CNTN4: variants seen among roughly 807,000 people sequenced by gnomAD.
The protein encoded by CNTN4 is contactin-4.
In CNTN4, 77 loss-of-function variants were observed where a neutral mutation model predicts 122.5. The observed-to-expected ratio is 0.63, with a 90% confidence interval of 0.52 to 0.76. CNTN4 has a LOEUF of 0.76. Ranked by LOEUF, CNTN4 falls within the 30% of genes least tolerant of loss-of-function variation. The pLI, the probability that CNTN4 is intolerant of heterozygous loss-of-function variation, is 0.00. For synonymous variants in CNTN4, 512 were observed against 447.0 expected, an observed-to-expected ratio of 1.15 and a Z score of -1.83; for missense variants, 1,256 against 1,259.1, an observed-to-expected ratio of 1.00 and a Z score of 0.04.
At chr3:2,121,356 G>A (rs2727907) in intron 2 of CNTN4, among the ~76,000 whole-genome samples, 25,148 of 151,980 alleles carry the variant, frequency 0.17, 2,335 homozygotes, top group South Asian at 0.35. Flanking sequence ...AAATTAGCCC[G>A]ATGTGGTGGC....
intron 6 of CNTN4, 73 bp from the exon 7 acceptor site, chr3:2,819,413 A>G: frequency 1.7e-6 from 2 of 1,171,674 alleles, no homozygotes; most frequent in Non-Finnish European, 2.6e-6. Flanking sequence ...TTCTCTTTTG[A>G]AATAGTGGTA....
chr3:2,535,686 C>G (rs17015879), intron 3 of CNTN4, among the ~76,000 whole-genome samples: 199 of 152,142 alleles, frequency 1.3e-3, no homozygotes, highest in African/African-American at 4.6e-3. Flanking sequence ...TATGTTAAAC[C>G]TTAAAAAGCA....
intron 2 of CNTN4, among the ~76,000 whole-genome samples, chr3:2,269,535 G>C (rs1026447975): frequency 6.6e-6 from 1 of 151,970 alleles, no homozygotes; most frequent in Non-Finnish European, 1.5e-5. Flanking sequence ...GAATCATTTC[G>C]GTGGCTGTAA....
intron 10 of CNTN4, among the ~76,000 whole-genome samples, chr3:2,892,856 T>G (rs930388815): frequency 6.6e-6 from 1 of 152,168 alleles, no homozygotes; most frequent in East Asian, 1.9e-4. Flanking sequence ...TTTTTATAAT[T>G]AAGGAAAATA....
intron 2 of CNTN4, among the ~76,000 whole-genome samples, chr3:2,280,303 T>C (rs1273644996): frequency 2.6e-5 from 4 of 152,142 alleles, no homozygotes; most frequent in Admixed American, 2.6e-4. Flanking sequence ...GTGCTCTTGA[T>C]TGATTAAAAG....
intron 4 of CNTN4, among the ~76,000 whole-genome samples, chr3:2,705,866 T>A (rs2086687757): frequency 1.2e-5 from 1 of 80,538 alleles, no homozygotes; most frequent in Non-Finnish European, 2.0e-5. Flanking sequence ...TGTGTTTATA[T>A]ATAATATATA....
chr3:2,402,029 G>A (rs2046877120), intron 3 of CNTN4, among the ~76,000 whole-genome samples: 1 of 152,100 alleles, frequency 6.6e-6, no homozygotes, highest in African/African-American at 2.4e-5. Context: ...ATCTGACAAA[G>A]ATGAGGTCTA....
At chr3:3,054,219 T>C (rs1023413209) in intron 24 of CNTN4, among the ~76,000 whole-genome samples, 1 of 152,226 alleles carries the variant, frequency 6.6e-6, no homozygotes, top group African/African-American at 2.4e-5. Flanking sequence ...CCCGAATTAG[T>C]CACTAAGGTT....
chr3:2,805,012 TAA>T (rs2092432305), intron 6 of CNTN4, among the ~76,000 whole-genome samples: 1 of 150,118 alleles, frequency 6.7e-6, no homozygotes, highest in Non-Finnish European at 1.5e-5. Context: ...CCATCTCTAC[TAA>T]AAATACAAAA....
chr3:2,147,401 T>C (rs754674574), intron 2 of CNTN4, among the ~76,000 whole-genome samples: 15 of 152,142 alleles, frequency 9.9e-5, no homozygotes, highest in Non-Finnish European at 2.1e-4. Flanking sequence ...TTTGCAGTAA[T>C]TTTAACAGAC....
At chr3:2,884,968 A>G (rs986149445) in intron 9 of CNTN4, among the ~76,000 whole-genome samples, 2 of 152,230 alleles carry the variant, frequency 1.3e-5, no homozygotes, top group African/African-American at 4.8e-5. Flanking sequence ...AAAGGCATAT[A>G]TTAAGTGCAT....
At chr3:2,588,547 A>G (rs1305704439) in intron 4 of CNTN4, among the ~76,000 whole-genome samples, 1 of 151,920 alleles carries the variant, frequency 6.6e-6, no homozygotes, top group Non-Finnish European at 1.5e-5. Context: ...TTGTACTTTT[A>G]GTAGAGACGG....
At chr3:2,249,052 C>A (rs890494974) in intron 2 of CNTN4, among the ~76,000 whole-genome samples, 1 of 151,824 alleles carries the variant, frequency 6.6e-6, no homozygotes. Context: ...AAAAATTGTA[C>A]CCTGACCTCA....
chr3:2,424,926 A>T (rs1241789116), intron 3 of CNTN4, among the ~76,000 whole-genome samples: 1 of 151,916 alleles, frequency 6.6e-6, no homozygotes, highest in Non-Finnish European at 1.5e-5. Flanking sequence ...TGTTTGACTT[A>T]TTCTTGTAAA....
At chr3:2,482,866 G>C (rs942612969) in intron 3 of CNTN4, among the ~76,000 whole-genome samples, 1 of 152,208 alleles carries the variant, frequency 6.6e-6, no homozygotes, top group Non-Finnish European at 1.5e-5. Flanking sequence ...GCAAAAGTTT[G>C]CTGCAGGGAC....
chr3:2,533,165 G>C (rs2077663623), intron 3 of CNTN4, among the ~76,000 whole-genome samples: 1 of 150,812 alleles, frequency 6.6e-6, no homozygotes, highest in South Asian at 2.1e-4. Context: ...TTAAGTTCTA[G>C]GGTACATGTG....
At chr3:2,936,225 C>T (rs976614538) in intron 13 of CNTN4, among the ~76,000 whole-genome samples, 2 of 152,186 alleles carry the variant, frequency 1.3e-5, no homozygotes, top group Admixed American at 1.3e-4. Flanking sequence ...GAAAGCATTT[C>T]AACTTCCTAA....
chr3:2,801,067 C>T (rs181915357), intron 6 of CNTN4, among the ~76,000 whole-genome samples: 8 of 152,260 alleles, frequency 5.3e-5, no homozygotes, highest in African/African-American at 1.7e-4. Flanking sequence ...AACTTTTTAT[C>T]ATGGTATTAT....
chr3:2,187,092 A>G (rs6780527), intron 2 of CNTN4, among the ~76,000 whole-genome samples: 43,869 of 152,020 alleles, frequency 0.29, 8,058 homozygotes, highest in Non-Finnish European at 0.42. Context: ...TCCATCTTGA[A>G]TAAATTTTTG....
Sources: gnomAD v4.1 joint callset for allele counts (sites outside exome capture counted in the v4.1 genomes callset) on GRCh38, gnomAD v4.1.1 for gene constraint, MANE v1.5 for transcripts, NCBI Gene and HGNC (gene_info 2026-07-23, HGNC 2026-07-21) for gene names.